Variants in HS3ST4 observed in about 807,000 individuals in gnomAD.
HS3ST4 encodes the protein heparan sulfate-glucosamine 3-sulfotransferase 4.
Under a neutral mutation model 29.2 loss-of-function variants are expected in HS3ST4, and 17 were observed. The observed-to-expected ratio is 0.58, with a 90% CI of 0.40 to 0.87. HS3ST4 has a LOEUF of 0.87. Among genes scored for constraint, HS3ST4 ranks in the 40% least tolerant of loss-of-function variants. The pLI is 0.00. For synonymous variants in HS3ST4, 314 were observed against 285.7 expected, an observed-to-expected ratio of 1.10 and a Z score of -1.00; for missense variants, 627 against 634.5, an observed-to-expected ratio of 0.99 and a Z score of 0.13.
intron 1 of HS3ST4, among the ~76,000 whole-genome samples, chr16:26,061,484 C>A (rs1167018623): frequency 6.6e-6 from 1 of 152,150 alleles, no homozygotes; most frequent in East Asian, 1.9e-4. Context: ...ACATGAGCAC[C>A]AGGAACAATT....
intron 1 of HS3ST4, among the ~76,000 whole-genome samples, chr16:25,725,155 A>T (rs1175286846): frequency 2.0e-5 from 3 of 151,630 alleles, no homozygotes; most frequent in African/African-American, 7.3e-5. Context: ...TTTTCCAGAA[A>T]TGCTGCTTCT....
At chr16:25,770,872 TA>T (rs1250529312) in intron 1 of HS3ST4, among the ~76,000 whole-genome samples, 1 of 152,174 alleles carries the variant, frequency 6.6e-6, no homozygotes, top group Non-Finnish European at 1.5e-5. Flanking sequence ...ATTCAGTGCT[TA>T]TGACGTGTTG....
intron 1 of HS3ST4, among the ~76,000 whole-genome samples, chr16:25,893,138 A>C (rs1425172173): frequency 6.6e-6 from 1 of 152,106 alleles, no homozygotes; most frequent in Non-Finnish European, 1.5e-5. Flanking sequence ...GCCTGAAAAG[A>C]CCAGAGGCAG....
At chr16:25,919,418 G>A (rs1234423115) in intron 1 of HS3ST4, among the ~76,000 whole-genome samples, 1 of 152,154 alleles carries the variant, frequency 6.6e-6, no homozygotes, top group East Asian at 1.9e-4. Flanking sequence ...AATCCTCTTT[G>A]GATATGTCAA....
chr16:25,848,382 C>T (rs1253490797), intron 1 of HS3ST4, among the ~76,000 whole-genome samples: 3 of 152,050 alleles, frequency 2.0e-5, no homozygotes, highest in African/African-American at 2.4e-5. Context: ...TCAAATGATC[C>T]GTCCGCCTCA....
At position 25,869,438 on chromosome 16, in the gene HS3ST4, T is replaced by C. The variant is rs556553604; in HGVS notation, c.734+176287T>C. On this transcript the variant is annotated intron_variant, in intron 1 of 1. Coordinates refer to ENST00000331351, the MANE Select transcript of HS3ST4 (RefSeq NM_006040.3). ...GTTCAGATCCAAGTTTTGCCACATG[T>C]AAACATTGTAGCTTTGGGCATGTTA... Among the ~76,000 whole-genome samples, 3 of 152,330 alleles carry C rather than the reference T, an allele frequency of 2.0e-5. No individual in the cohort carries two copies. The South Asian group carries it at 6.2e-4, about 32-fold the overall frequency.
rs35038475 is a variant in HS3ST4 at position 26,114,564 on chromosome 16, A to G, written c.735-21048A>G. Among the ~76,000 whole-genome samples the G allele has an allele frequency of 2.6e-3, 403 of 152,264 alleles. 1 individual carries two copies. Among genetic ancestry groups the G allele is most frequent in the African/African-American group, 9.3e-3 (387 of 41,542 alleles). On this transcript the variant is annotated intron_variant, in intron 1 of 1. Transcript: ENST00000331351. ...GAAGGAAGAAAAATACATATGTGCC[A>G]TATGGTGTGACGGGTCAATAGTGGA...
intron 1 of HS3ST4, among the ~76,000 whole-genome samples, chr16:25,928,214 A>T (rs947420549): frequency 6.6e-6 from 1 of 151,130 alleles, no homozygotes; most frequent in Non-Finnish European, 1.5e-5. Context: ...AAAAAAAAAA[A>T]TTTAGCCAGG....
chr16:25,919,412 C>T (rs553628180), intron 1 of HS3ST4, among the ~76,000 whole-genome samples: 16 of 152,232 alleles, frequency 1.1e-4, no homozygotes, highest in African/African-American at 3.9e-4. Context: ...ATCAAGAATC[C>T]TCTTTGGATA....
intron 1 of HS3ST4, among the ~76,000 whole-genome samples, chr16:26,012,613 A>C (rs1007582258): frequency 1.3e-5 from 2 of 152,204 alleles, no homozygotes; most frequent in Admixed American, 1.3e-4. Flanking sequence ...CACATGAGAC[A>C]GTTAAATGGT....
At chr16:25,708,056 A>G (rs575810292) in intron 1 of HS3ST4, among the ~76,000 whole-genome samples, 2 of 152,242 alleles carry the variant, frequency 1.3e-5, no homozygotes, top group East Asian at 1.9e-4. Flanking sequence ...TAATTCCCCT[A>G]TTCTGGAGAG....
At chr16:25,963,425 G>A (rs1212851166) in intron 1 of HS3ST4, among the ~76,000 whole-genome samples, 3 of 152,126 alleles carry the variant, frequency 2.0e-5, no homozygotes, top group African/African-American at 4.8e-5. Flanking sequence ...AGTCTTGTCT[G>A]TATGGCTCTA....
At chr16:26,019,015 A>T (rs1214707957) in intron 1 of HS3ST4, among the ~76,000 whole-genome samples, 1 of 151,846 alleles carries the variant, frequency 6.6e-6, no homozygotes, top group Non-Finnish European at 1.5e-5. Flanking sequence ...CCTGCTCTAT[A>T]CTCTGTTACC....
At chr16:25,746,457 A>G (rs188859754) in intron 1 of HS3ST4, among the ~76,000 whole-genome samples, 99 of 152,266 alleles carry the variant, frequency 6.5e-4, no homozygotes, top group African/African-American at 2.3e-3. Flanking sequence ...TTGGAGAGGA[A>G]GAAAGAGTTA....
intron 1 of HS3ST4, among the ~76,000 whole-genome samples, chr16:25,779,965 G>A (rs1966851156): frequency 6.6e-6 from 1 of 152,162 alleles, no homozygotes; most frequent in Non-Finnish European, 1.5e-5. Flanking sequence ...ATTTCATTCC[G>A]AGGTCCCCAG....
chr16:25,853,310 G>GTA (rs1967540194), intron 1 of HS3ST4, among the ~76,000 whole-genome samples: 1 of 143,276 alleles, frequency 7.0e-6, no homozygotes, highest in Non-Finnish European at 1.5e-5. Context: ...GTGTGTGTGT[G>GTA]TGTATATATA....
intron 1 of HS3ST4, among the ~76,000 whole-genome samples, chr16:25,856,350 A>G (rs931861302): frequency 1.3e-5 from 2 of 152,204 alleles, no homozygotes; most frequent in African/African-American, 4.8e-5. Flanking sequence ...CCACCCTCCA[A>G]CCTTCAGGGA....
intron 1 of HS3ST4, among the ~76,000 whole-genome samples, chr16:25,842,131 C>A (rs1218385437): frequency 6.6e-6 from 1 of 152,192 alleles, no homozygotes; most frequent in Admixed American, 6.5e-5. Context: ...CAGAGCATGC[C>A]CTTTTCCAGT....
At chr16:25,850,583 CA>C (rs991951126) in intron 1 of HS3ST4, among the ~76,000 whole-genome samples, 1 of 151,936 alleles carries the variant, frequency 6.6e-6, no homozygotes, top group African/African-American at 2.4e-5. Context: ...GAAAAGAAAA[CA>C]AAATTCAAAT....
Sources: allele counts gnomAD v4.1 joint callset (sites outside exome capture counted in the v4.1 genomes callset), GRCh38; gene constraint gnomAD v4.1.1; transcripts MANE v1.5; gene names NCBI Gene and HGNC (gene_info 2026-07-23, HGNC 2026-07-21).